The following SND1 variants were observed in gnomAD, a reference collection of about 807,000 sequenced individuals.
SND1 encodes staphylococcal nuclease domain-containing protein 1.
SND1 carries 38 observed loss-of-function variants against 121.7 expected under a neutral mutation model. That is an observed-to-expected ratio of 0.31 (90% CI 0.24 to 0.41). The LOEUF is 0.41. Among genes scored for constraint, SND1 ranks in the 10% least tolerant of loss-of-function variants. The pLI, the probability that SND1 is intolerant of heterozygous loss-of-function variation, is 1.00. For synonymous variants in SND1, 401 were observed against 447.4 expected (o/e 0.90, Z 1.31); for missense variants, 868 against 1,184.6 (o/e 0.73, Z 3.92).
intron 10 of SND1, among the ~76,000 whole-genome samples, chr7:127,782,293 C>A (rs1797737322): frequency 6.6e-6 from 1 of 152,164 alleles, no homozygotes; most frequent in Non-Finnish European, 1.5e-5. Context: ...TTAATAGGAT[C>A]CTAATCACAA....
In SND1 at chr7:128,089,544, A is replaced by G; in HGVS notation, c.2474A>G (p.Gln825Arg). Reference sequence around the variant, plus strand: ...GTAGTTCGGGATATCCAGAACACTCAGTGCCTGCTCAACGTGGAACACCTG... The same window carrying G: ...GTAGTTCGGGATATCCAGAACACTCGGTGCCTGCTCAACGTGGAACACCTG... ...DSVVRDIQNT[Q>R]CLLNVEHLSA... The change falls in exon 22 of 24, where the codon CAG (glutamine) becomes CGG (arginine). Residue 825 changes from glutamine (Q) to arginine (R), a missense_variant. This residue lies in a region of SND1 where 743 missense variants were observed against 1,071.3 expected (regional missense o/e 0.69). Transcript: ENST00000354725. 6.2e-7 allele frequency: 1 copy of G among 1,614,242 alleles called. No individual in the cohort carries two copies. The highest frequency in any genetic ancestry group is 8.5e-7 in the Non-Finnish European group (1 of 1,180,034).
At chr7:127,740,263 A>G (rs772842879) in intron 10 of SND1, among the ~76,000 whole-genome samples, 14 of 152,136 alleles carry the variant, frequency 9.2e-5, no homozygotes, top group Non-Finnish European at 1.8e-4. Flanking sequence ...TTAGGCATCT[A>G]TTGAATGGAT....
Position 128,028,875 on chromosome 7 carries a change from C to G in SND1, c.1779+37819C>G, listed in dbSNP as rs774406108. The G allele has an allele frequency of 1.7e-5, 28 of 1,614,042 alleles. No individual in the cohort carries two copies. The South Asian group carries it at 2.7e-4, about 16-fold the overall frequency. ...CACTACTGCCCCCTCACCTGATACA[C>G]CGGACGGAGCTGCTGTTGCTGCTGC... On this transcript the variant is annotated intron_variant, in intron 16 of 23. Transcript: ENST00000354725.
chr7:127,959,338 C>T (rs977343298), intron 15 of SND1, among the ~76,000 whole-genome samples: 1 of 152,178 alleles, frequency 6.6e-6, no homozygotes, highest in Admixed American at 6.5e-5. Context: ...TATACACATT[C>T]CTACACATGT....
intron 12 of SND1, among the ~76,000 whole-genome samples, chr7:127,861,774 T>C (rs1165673580): frequency 6.6e-6 from 1 of 152,176 alleles, no homozygotes; most frequent in Non-Finnish European, 1.5e-5. Context: ...CCTGGCCTTA[T>C]TTGTTTTTTA....
rs567195995 is a variant in SND1 at position 128,034,355 on chromosome 7, C to T, written c.1780-40147C>T. ...CCCTGATACTGGGGTTTAGTTCCAT[C>T]TGGGCACTCAGACTTTCTGGTGAGA... On this transcript the variant is annotated intron_variant, in intron 16 of 23. Coordinates refer to ENST00000354725, the MANE Select transcript of SND1 (RefSeq NM_014390.4). Among the ~76,000 whole-genome samples the T allele has an allele frequency of 7.2e-5, 11 of 152,332 alleles. No homozygotes were observed. In the South Asian group the frequency reaches 2.3e-3, roughly 32 times the overall value.
At chr7:127,654,019 G>T (rs760953997) in intron 1 of SND1, among the ~76,000 whole-genome samples, 1 of 152,304 alleles carries the variant, frequency 6.6e-6, no homozygotes, top group African/African-American at 2.4e-5. Flanking sequence ...TGGCTCTCCG[G>T]TGTTGGGTTT....
At chr7:128,055,361 G>C (rs3757758) in intron 16 of SND1, among the ~76,000 whole-genome samples, 27,353 of 152,068 alleles carry the variant, frequency 0.18, 2,939 homozygotes, top group African/African-American at 0.3. Flanking sequence ...TTCAAAGTTA[G>C]AGCCCCTCTC....
intron 11 of SND1, among the ~76,000 whole-genome samples, chr7:127,820,790 G>A (rs1256395460): frequency 6.6e-6 from 1 of 152,054 alleles, no homozygotes; most frequent in Non-Finnish European, 1.5e-5. Flanking sequence ...GCTTGTAGTA[G>A]CACTCACTTT....
intron 16 of SND1, among the ~76,000 whole-genome samples, chr7:128,009,992 T>C (rs1051012870): frequency 6.6e-6 from 1 of 152,214 alleles, no homozygotes; most frequent in African/African-American, 2.4e-5. Flanking sequence ...GGGAATGGCT[T>C]TGGATCTCTG....
intron 10 of SND1, among the ~76,000 whole-genome samples, chr7:127,782,259 T>C (rs1797736782): frequency 6.6e-6 from 1 of 152,212 alleles, no homozygotes; most frequent in African/African-American, 2.4e-5. Context: ...CTGGTTGTTT[T>C]CCAGGCAGAA....
Position 128,086,932 on chromosome 7 carries a change from C to T in SND1, c.2305-6C>T, listed in dbSNP as rs1793696680. On this transcript the variant is annotated splice_polypyrimidine_tract_variant and splice_region_variant and intron_variant, in intron 20 of 23. Coordinates refer to ENST00000354725, the MANE Select transcript of SND1 (RefSeq NM_014390.4). Reference sequence around the variant, plus strand: ...GTGACATGTTGGCCTGCTGCTTCCTCTGCAGAGAGAGGTCCTGCCATCCAC... The same window carrying T: ...GTGACATGTTGGCCTGCTGCTTCCTTTGCAGAGAGAGGTCCTGCCATCCAC... 1 of 1,611,660 alleles carries T rather than the reference C, an allele frequency of 6.2e-7. No homozygotes were observed. Among genetic ancestry groups the T allele is most frequent in the Non-Finnish European group, 8.5e-7 (1 of 1,177,846 alleles).
At chr7:127,945,422 C>T (rs1176404520) in intron 15 of SND1, among the ~76,000 whole-genome samples, 2 of 151,742 alleles carry the variant, frequency 1.3e-5, no homozygotes, top group African/African-American at 2.4e-5. Flanking sequence ...ACCCAGGAGG[C>T]GGAGCTTGCA....
At chr7:127,671,749 A>G (rs969682761) in intron 1 of SND1, among the ~76,000 whole-genome samples, 2 of 152,214 alleles carry the variant, frequency 1.3e-5, no homozygotes, top group East Asian at 1.9e-4. Context: ...CTCAAAGCCA[A>G]TAGCACTATA....
intron 12 of SND1, among the ~76,000 whole-genome samples, chr7:127,854,418 A>T (rs1799229244): frequency 6.6e-6 from 1 of 150,726 alleles, no homozygotes; most frequent in Non-Finnish European, 1.5e-5. Context: ...GTGAGCCACC[A>T]CTCCGGCCAG....
At chr7:127,743,622 A>T in intron 10 of SND1, among the ~76,000 whole-genome samples, 1 of 152,162 alleles carries the variant, frequency 6.6e-6, no homozygotes, top group Admixed American at 6.5e-5. Context: ...AAGTGATTGG[A>T]TTCAGTAAGT....
Position 127,872,592 on chromosome 7 carries a change from C to T in SND1, c.1344-15310C>T, listed in dbSNP as rs144622132. On this transcript the variant is annotated intron_variant, in intron 12 of 23. Coordinates refer to ENST00000354725, the MANE Select transcript of SND1 (RefSeq NM_014390.4). ...TTTTCCTGTTAAAGTGTTGATATGA[C>T]ACAGTATCTTACATTAGACCTTTTT... Among the ~76,000 whole-genome samples the T allele has an allele frequency of 1.7e-4, 25 of 150,320 alleles. 1 individual carries two copies. In the East Asian group the frequency reaches 5.0e-3, roughly 30 times the overall value.
chr7:127,722,391 G>A (rs1354083785), intron 10 of SND1, among the ~76,000 whole-genome samples: 2 of 150,234 alleles, frequency 1.3e-5, no homozygotes, highest in South Asian at 2.1e-4. Context: ...TGATCATTGC[G>A]CCCTGCAACT....
intron 10 of SND1, among the ~76,000 whole-genome samples, chr7:127,773,950 G>A (rs1797566734): frequency 2.0e-5 from 3 of 152,186 alleles, no homozygotes; most frequent in African/African-American, 7.2e-5. Context: ...CATGTTGGAG[G>A]TGATGCTGGT....
Sources: allele counts gnomAD v4.1 joint callset (sites outside exome capture counted in the v4.1 genomes callset), GRCh38; gene constraint gnomAD v4.1.1; regional missense constraint gnomAD v4.1.1; transcripts MANE v1.5; gene names NCBI Gene and HGNC (gene_info 2026-07-23, HGNC 2026-07-21).